Variants in CFAP70 observed in about 807,000 individuals in gnomAD.
The protein encoded by CFAP70 is cilia- and flagella-associated protein 70.
Under a neutral mutation model 137.6 loss-of-function variants are expected in CFAP70, and 81 were observed. The observed-to-expected ratio is 0.59, with a 90% confidence interval of 0.49 to 0.71. The LOEUF is 0.71. CFAP70 is among the 30% of genes least tolerant of loss of function. The probability of loss-of-function intolerance (pLI) is 0.00; values close to 1 mark genes in which losing one functional copy is unlikely to be tolerated. For synonymous variants in CFAP70, 382 were observed against 423.6 expected (o/e 0.90, Z 1.20); for missense variants, 976 against 1,226.7 (o/e 0.80, Z 3.05).
intron 3 of CFAP70, among the ~76,000 whole-genome samples, chr10:73,350,298 C>T (rs960329713): frequency 7.7e-6 from 1 of 129,256 alleles, no homozygotes; most frequent in Non-Finnish European, 1.6e-5. Context: ...GCATTTTCAG[C>T]AAGGATAACA....
rs367957658 is a variant in CFAP70, at chr10:73,289,505, C to T, written c.2239+1721G>A. Among the ~76,000 whole-genome samples, 20 of 151,864 alleles carry T rather than the reference C, an allele frequency of 1.3e-4. No homozygotes were observed. In the East Asian group the frequency reaches 2.5e-3, roughly 19 times the overall value. On this transcript the variant is annotated intron_variant, in intron 19 of 26. Transcript: ENST00000310715. ...TTCACCATGTTAGCCAGGATGGTCT[C>T]GATCTCCTGACCTTGTGATCCGCCT...
In CFAP70 at chr10:73,271,047, G is replaced by A. The variant is rs1171885917; in HGVS notation, c.2926-1332C>T. Among the ~76,000 whole-genome samples the A allele has an allele frequency of 2.0e-5, 3 of 152,166 alleles. No homozygotes were observed. The East Asian group carries it at 5.8e-4, about 29-fold the overall frequency. ...AAAAAATAAAATCCCGTAGTCCCAG[G>A]TACTCAGGAGGCTGACGCAGGAGGA... On this transcript the variant is annotated intron_variant, in intron 24 of 26. Coordinates refer to ENST00000310715, the Ensembl canonical transcript of CFAP70.
At chr10:73,322,191 C>G (rs1011528933) in intron 9 of CFAP70, among the ~76,000 whole-genome samples, 4 of 152,182 alleles carry the variant, frequency 2.6e-5, no homozygotes, top group African/African-American at 9.7e-5. Flanking sequence ...TCAATTTTGA[C>G]ATATGTGTAT....
intron 8 of CFAP70, among the ~76,000 whole-genome samples, chr10:73,325,528 A>G (rs2051320379): frequency 1.3e-5 from 2 of 152,244 alleles, no homozygotes; most frequent in Non-Finnish European, 2.9e-5. Context: ...TCCAATTAAA[A>G]GACACAGACT....
At chr10:73,340,740 C>A (rs958656101) in intron 6 of CFAP70, among the ~76,000 whole-genome samples, 1 of 152,236 alleles carries the variant, frequency 6.6e-6, no homozygotes. Context: ...ACATGCGCAC[C>A]TGGCCAGGTT....
At chr10:73,296,636 G>A (rs1223289203) in intron 15 of CFAP70, 1 of 153,978 alleles carries the variant, frequency 6.5e-6, no homozygotes, top group Non-Finnish European at 1.4e-5. Context: ...AAGTGTCACT[G>A]TCATTTGGGT....
chr10:73,322,963 CT>C lies in CFAP70; in HGVS notation c.911del (p.Lys304ArgfsTer6). The C allele has an allele frequency of 6.3e-7, 1 of 1,580,254 alleles. No homozygotes were observed. Among genetic ancestry groups the C allele is most frequent in the Non-Finnish European group, 8.6e-7 (1 of 1,168,460 alleles). On this transcript the variant is annotated frameshift_variant and splice_region_variant, in exon 9 of 27. Transcript: ENST00000310715. LOFTEE classifies it high-confidence loss of function. ...TGATTTTTATGCAATTTTTTCTTACCTTTTCATGGACTACACTGTCTAGGTA... is the reference window on the plus strand; with the variant it reads ...TGATTTTTATGCAATTTTTTCTTACCTTTCATGGACTACACTGTCTAGGTA...
intron 25 of CFAP70, among the ~76,000 whole-genome samples, chr10:73,257,460 C>T (rs2044638528): frequency 6.6e-6 from 1 of 152,194 alleles, no homozygotes; most frequent in Non-Finnish European, 1.5e-5. Flanking sequence ...GAGTTTGCTA[C>T]ATAGTTACTT....
At chr10:73,350,094 G>C (rs560420043) in intron 3 of CFAP70, among the ~76,000 whole-genome samples, 17 of 152,190 alleles carry the variant, frequency 1.1e-4, no homozygotes, top group Admixed American at 3.3e-4. Context: ...ATTGCATTTG[G>C]TTGTCATGTT....
At chr10:73,350,734 A>G (rs1422782334) in intron 3 of CFAP70, among the ~76,000 whole-genome samples, 1 of 151,846 alleles carries the variant, frequency 6.6e-6, no homozygotes, top group African/African-American at 2.4e-5. Context: ...TTTTACACAC[A>G]TTTTATCCAG....
At chr10:73,276,890 T>G in intron 21 of CFAP70, 1 of 168,160 alleles carries the variant, frequency 5.9e-6, no homozygotes, top group Admixed American at 6.1e-5. Context: ...ATGTTTCTAG[T>G]TGGATCTAAC....
At chr10:73,322,825 G>T in intron 9 of CFAP70, 138 bp downstream of exon 10, 1 of 708,388 alleles carries the variant, frequency 1.4e-6, no homozygotes, top group Non-Finnish European at 2.1e-6. Context: ...CAGAATGACT[G>T]TAAGGCTATA....
At chr10:73,271,702 A>G (rs923467599) in intron 24 of CFAP70, among the ~76,000 whole-genome samples, 1 of 151,878 alleles carries the variant, frequency 6.6e-6, no homozygotes, top group African/African-American at 2.4e-5. Context: ...CTATTTGTCT[A>G]TTTATTTTTA....
intron 4 of CFAP70, among the ~76,000 whole-genome samples, chr10:73,346,388 C>T (rs909157064): frequency 2.0e-5 from 3 of 151,724 alleles, no homozygotes; most frequent in Non-Finnish European, 4.4e-5. Context: ...GTAATCCCAG[C>T]ACTTTGGGAG....
At chr10:73,278,226 C>A in exon 20 of CFAP70, 1 of 1,613,920 alleles carries the variant, frequency 6.2e-7, no homozygotes, top group Non-Finnish European at 8.5e-7. Context: ...TGGTTTTTGG[C>A]TTATACTTGG....
chr10:73,325,593 T>C (rs1005372986), intron 8 of CFAP70, among the ~76,000 whole-genome samples: 2 of 152,022 alleles, frequency 1.3e-5, no homozygotes, highest in African/African-American at 4.8e-5. Flanking sequence ...AGGAAACCCA[T>C]CTCACGTGCA....
At chr10:73,310,220 C>T (rs759747720) in exon 12 of CFAP70, 3 of 1,612,872 alleles carry the variant, frequency 1.9e-6, no homozygotes, top group Non-Finnish European at 2.5e-6. Context: ...GAATTTCCAA[C>T]ACAATGTATG....
At chr10:73,335,495 G>A (rs7910541) in exon 7 of CFAP70, 133,890 of 1,608,608 alleles carry the variant, frequency 0.083, 8,469 homozygotes, top group East Asian at 0.29. Flanking sequence ...TTTTCTTTAT[G>A]CACTCTGCTT....
intron 8 of CFAP70, among the ~76,000 whole-genome samples, chr10:73,330,527 A>G (rs185596742): frequency 6.6e-6 from 1 of 152,170 alleles, no homozygotes. Flanking sequence ...GCCAATACTT[A>G]CATACTACAA....
Sources: gnomAD v4.1 joint callset for allele counts (sites outside exome capture counted in the v4.1 genomes callset) on GRCh38, gnomAD v4.1.1 for gene constraint, MANE v1.5 for transcripts, NCBI Gene and HGNC (gene_info 2026-07-23, HGNC 2026-07-21) for gene names.